The following RAB33A variants were observed in gnomAD, a reference collection of about 807,000 sequenced individuals.
RAB33A encodes the protein ras-related protein Rab-33A.
Under a neutral mutation model 12.0 loss-of-function variants are expected in RAB33A, and 6 were observed. That is an observed-to-expected ratio of 0.50 (90% CI 0.27 to 0.99). The LOEUF is 0.99. Among genes scored for constraint, RAB33A ranks in the 50% least tolerant of loss-of-function variants. The probability of loss-of-function intolerance (pLI) is 0.11; values close to 1 mark genes in which losing one functional copy is unlikely to be tolerated. For missense variants in RAB33A, 109 were observed against 192.0 expected, an observed-to-expected ratio of 0.57 and a Z score of 2.55; for synonymous variants, 70 against 82.4, an observed-to-expected ratio of 0.85 and a Z score of 0.81.
chrX:130,181,784 T>C (rs1331948798), intron 1 of RAB33A, among the ~76,000 whole-genome samples: 1 of 110,050 alleles, frequency 9.1e-6, no homozygotes, highest in Non-Finnish European at 1.9e-5. Context: ...CCATCTCTAC[T>C]AAAAATACAA....
chrX:130,132,796 G>T, the RAB33A span, among the ~76,000 whole-genome samples: 1 of 104,658 alleles, frequency 9.6e-6, no homozygotes, highest in African/African-American at 3.5e-5. Context: ...ACCCAGGCCG[G>T]AGTGCAGTGG....
At chrX:130,151,052 A>G in the RAB33A span, among the ~76,000 whole-genome samples, 1 of 108,876 alleles carries the variant, frequency 9.2e-6, no homozygotes, top group Non-Finnish European at 1.9e-5. Context: ...TCAACAAAAC[A>G]GGAATTTAGG....
At chrX:130,125,360 G>A in the RAB33A span, among the ~76,000 whole-genome samples, 1 of 111,716 alleles carries the variant, frequency 9.0e-6, no homozygotes, top group Non-Finnish European at 1.9e-5. Context: ...GCAGGGGAAC[G>A]TCATCACTGG....
At chrX:130,147,960 C>G in the RAB33A span, 1 of 1,133,009 alleles carries the variant, frequency 8.8e-7, no homozygotes, top group Non-Finnish European at 1.2e-6. Context: ...TCACCTTGCA[C>G]TTGTCTCAAT....
intron 1 of RAB33A, 23 bp downstream of exon 1, chrX:130,172,343 G>C (rs1416371553): frequency 8.5e-7 from 1 of 1,179,575 alleles, no homozygotes; most frequent in Non-Finnish European, 1.1e-6. Flanking sequence ...GTCAGGTCCA[G>C]GAAGGGTGGG....
chrX:130,145,480 T>G, the RAB33A span: 1 of 1,205,564 alleles, frequency 8.3e-7, no homozygotes, highest in Non-Finnish European at 1.1e-6. Context: ...CTAGCTCACC[T>G]TCTTCCCAGT....
the RAB33A span, chrX:130,165,670 A>C: frequency 8.6e-7 from 1 of 1,167,081 alleles, no homozygotes; most frequent in Non-Finnish European, 1.2e-6. Context: ...GGCGACCGCT[A>C]TTCGGGACCT....
the RAB33A span, among the ~76,000 whole-genome samples, chrX:130,123,502 C>A: frequency 9.1e-6 from 1 of 109,859 alleles, no homozygotes; most frequent in Non-Finnish European, 1.9e-5. Context: ...ACCAGCCTGG[C>A]CAACATGGCA....
the RAB33A span, chrX:130,149,490 G>T: frequency 7.4e-6 from 9 of 1,210,119 alleles, no homozygotes; most frequent in Admixed American, 2.2e-5. Flanking sequence ...GCCTTTTTCT[G>T]TTTCTGTTCT....
chrX:130,116,562 G>A, the RAB33A span, among the ~76,000 whole-genome samples: 3 of 112,277 alleles, frequency 2.7e-5, no homozygotes, highest in Non-Finnish European at 5.6e-5. Flanking sequence ...AAAGTGCTGG[G>A]ATTACAGGCG....
the RAB33A span, among the ~76,000 whole-genome samples, chrX:130,165,248 G>A: frequency 1.3e-5 from 1 of 79,618 alleles, no homozygotes; most frequent in South Asian, 1.0e-3. Flanking sequence ...AAAAAGGGGG[G>A]TGGGGGGTGG....
chrX:130,147,413 A>G, the RAB33A span: 10 of 1,161,869 alleles, frequency 8.6e-6, no homozygotes, highest in Non-Finnish European at 1.2e-5. Flanking sequence ...CTATTACTGT[A>G]CACAGTCAGT....
the RAB33A span, chrX:130,145,675 T>C: frequency 8.4e-6 from 5 of 596,205 alleles, no homozygotes; most frequent in Non-Finnish European, 1.1e-5. Context: ...TTAAGGGACG[T>C]TTTCCAAAGT....
chrX:130,138,345 G>A, the RAB33A span, among the ~76,000 whole-genome samples: 2 of 110,340 alleles, frequency 1.8e-5, no homozygotes, highest in South Asian at 3.9e-4. Flanking sequence ...GGCGCCTGTA[G>A]TCCCAGCTAC....
the RAB33A span, among the ~76,000 whole-genome samples, chrX:130,161,513 G>GA: frequency 2.5e-3 from 152 of 60,903 alleles, no homozygotes; most frequent in East Asian, 4.0e-3. Flanking sequence ...TCTGTTTGAA[G>GA]AAAAAAAAAA....
At chrX:130,172,440 G>C in intron 1 of RAB33A, 120 bp downstream of exon 1, 1 of 941,763 alleles carries the variant, frequency 1.1e-6, no homozygotes, top group South Asian at 2.5e-5. Flanking sequence ...CTCTTGCTGA[G>C]CCGAGGACCC....
At chrX:130,138,276 T>C in the RAB33A span, among the ~76,000 whole-genome samples, 390 of 110,282 alleles carry the variant, frequency 3.5e-3, no homozygotes, top group African/African-American at 0.012. Flanking sequence ...CAGTCCTGGC[T>C]AACACGGTGA....
chrX:130,152,749 A>G, the RAB33A span, among the ~76,000 whole-genome samples: 2 of 111,963 alleles, frequency 1.8e-5, no homozygotes, highest in Non-Finnish European at 3.8e-5. Flanking sequence ...CTCTCACATC[A>G]ATGCGAATCA....
At chrX:130,139,332 GA>G in the RAB33A span, among the ~76,000 whole-genome samples, 58 of 93,986 alleles carry the variant, frequency 6.2e-4, no homozygotes, top group Middle Eastern at 5.6e-3. Flanking sequence ...ATTCAGTCTC[GA>G]AAAAAAAAAA....
Sources: allele counts gnomAD v4.1 joint callset (sites outside exome capture counted in the v4.1 genomes callset), GRCh38; gene constraint gnomAD v4.1.1; transcripts MANE v1.5; gene names NCBI Gene and HGNC (gene_info 2026-07-23, HGNC 2026-07-21).